Variants in PPM1H observed in about 807,000 individuals in gnomAD.
PPM1H encodes protein phosphatase, Mg2+/Mn2+ dependent 1H, also known as protein phosphatase 1H.
Under a neutral mutation model 54.9 loss-of-function variants are expected in PPM1H, and 27 were observed. The observed-to-expected ratio is 0.49, with a 90% CI of 0.36 to 0.68. The LOEUF is 0.68. PPM1H is among the 30% of genes least tolerant of loss of function. The probability of loss-of-function intolerance (pLI) is 0.00; values close to 1 mark genes in which losing one functional copy is unlikely to be tolerated. For synonymous variants in PPM1H, 305 were observed against 270.8 expected (o/e 1.13, Z -1.24); for missense variants, 596 against 667.8 (o/e 0.89, Z 1.19).
chr12:62,808,125 T>C (rs2076815998), intron 2 of PPM1H, among the ~76,000 whole-genome samples: 1 of 152,196 alleles, frequency 6.6e-6, no homozygotes. Context: ...AGCCACCGTG[T>C]CTGGCCACCC....
At chr12:62,803,692 A>T (rs188720461) in intron 2 of PPM1H, among the ~76,000 whole-genome samples, 1 of 152,200 alleles carries the variant, frequency 6.6e-6, no homozygotes, top group African/African-American at 2.4e-5. Context: ...GCAAAAACAA[A>T]CAAGTGGGAC....
At chr12:62,713,234 C>A (rs946584547) in intron 6 of PPM1H, among the ~76,000 whole-genome samples, 2 of 152,152 alleles carry the variant, frequency 1.3e-5, no homozygotes, top group African/African-American at 4.8e-5. Context: ...ATAAAGGTCA[C>A]CCCAAACACA....
intron 2 of PPM1H, among the ~76,000 whole-genome samples, chr12:62,831,745 G>GTA (rs749808396): frequency 3.0e-4 from 45 of 147,902 alleles, no homozygotes; most frequent in Non-Finnish European, 5.5e-4. Flanking sequence ...GTGTGTATAC[G>GTA]TATATATATT....
intron 8 of PPM1H, among the ~76,000 whole-genome samples, chr12:62,687,441 T>C (rs1443291371): frequency 1.3e-5 from 2 of 152,080 alleles, no homozygotes; most frequent in Non-Finnish European, 2.9e-5. Flanking sequence ...ATTTTTTACT[T>C]TTTGTAAGAA....
chr12:62,668,573 ACCAGCTGGGTC>A (rs965864246), intron 8 of PPM1H, among the ~76,000 whole-genome samples: 1 of 152,096 alleles, frequency 6.6e-6, no homozygotes, highest in African/African-American at 2.4e-5. Context: ...ATGGGGTTTT[ACCAGCTGGGTC>A]CCAGCTGGTC....
At chr12:62,759,771 G>C (rs1283738734) in intron 4 of PPM1H, among the ~76,000 whole-genome samples, 2 of 150,012 alleles carry the variant, frequency 1.3e-5, no homozygotes, top group Non-Finnish European at 1.5e-5. Context: ...CACTTTCCTG[G>C]GGGGTAAGCA....
chr12:62,709,776 A>G (rs2076196195), intron 6 of PPM1H, among the ~76,000 whole-genome samples: 1 of 152,226 alleles, frequency 6.6e-6, no homozygotes, highest in Admixed American at 6.5e-5. Flanking sequence ...ATTGTTCAAT[A>G]AATTTCCAGA....
chr12:62,723,380 G>T lies in PPM1H; in HGVS notation c.955-3091C>A, dbSNP rs142059165. On this transcript the variant is annotated intron_variant, in intron 5 of 9. Coordinates refer to ENST00000228705, the MANE Select transcript of PPM1H (RefSeq NM_020700.2). ...CTGATTAAAAAAAAAAAGTAAGTTG[G>T]GAACCATCTGTTTACAAATGAACAT... Among the ~76,000 whole-genome samples, 28 of 152,148 alleles carry T rather than the reference G, an allele frequency of 1.8e-4. No homozygotes were observed. In the East Asian group the frequency reaches 5.2e-3, roughly 28 times the overall value.
chr12:62,914,627 G>C (rs957435665), intron 1 of PPM1H, among the ~76,000 whole-genome samples: 1 of 152,194 alleles, frequency 6.6e-6, no homozygotes, highest in Non-Finnish European at 1.5e-5. Context: ...GCTGTGTGGA[G>C]TGTTAACATT....
intron 9 of PPM1H, chr12:62,659,284 A>C: frequency 2.0e-6 from 1 of 503,882 alleles, no homozygotes; most frequent in South Asian, 2.2e-5. Context: ...AAAAAAAAAA[A>C]AAAAAAAGAG....
intron 6 of PPM1H, among the ~76,000 whole-genome samples, chr12:62,702,525 A>T (rs1315980517): frequency 6.8e-6 from 1 of 146,858 alleles, no homozygotes; most frequent in Non-Finnish European, 1.5e-5. Context: ...CTTCTCTTCT[A>T]AGTCATGACC....
At chr12:62,706,357 CT>C (rs1215571931) in intron 6 of PPM1H, among the ~76,000 whole-genome samples, 1 of 152,202 alleles carries the variant, frequency 6.6e-6, no homozygotes, top group Non-Finnish European at 1.5e-5. Flanking sequence ...TGAGTAACAG[CT>C]GTCGATATTT....
At chr12:62,740,896 C>T (rs1229480281) in intron 4 of PPM1H, among the ~76,000 whole-genome samples, 1 of 152,194 alleles carries the variant, frequency 6.6e-6, no homozygotes, top group Non-Finnish European at 1.5e-5. Flanking sequence ...AGTGTATACT[C>T]TTAATATCTG....
At chr12:62,765,443 T>G (rs1428987321) in intron 4 of PPM1H, among the ~76,000 whole-genome samples, 1 of 152,172 alleles carries the variant, frequency 6.6e-6, no homozygotes, top group Non-Finnish European at 1.5e-5. Flanking sequence ...CTACTTGTCT[T>G]TAAAGAATGT....
rs1396982700 is a variant in PPM1H at position 62,844,989 on chromosome 12, A to T, written c.246-12710T>A. Among the ~76,000 whole-genome samples, 1 of 152,256 alleles carries T rather than the reference A, an allele frequency of 6.6e-6. No individual in the cohort carries two copies. Among genetic ancestry groups the T allele is most frequent in the East Asian group, 1.9e-4 (1 of 5,204 alleles). On this transcript the variant is annotated intron_variant, in intron 1 of 9. Transcript: ENST00000228705. This position sits in a 1 kb window ranked among gnomAD's most constrained non-coding sequence, Gnocchi z 5.2. ...ACATTCTCCAGCAAAGAAGTAGCTG[A>T]TAGATGTCAGAGCCTAGGGTACCTC... is the stretch of plus-strand genomic sequence containing the variant.
At chr12:62,715,018 G>A (rs1293740369) in intron 6 of PPM1H, among the ~76,000 whole-genome samples, 1 of 152,196 alleles carries the variant, frequency 6.6e-6, no homozygotes, top group Non-Finnish European at 1.5e-5. Context: ...GGCTGGACAT[G>A]GCACGAAGTA....
intron 1 of PPM1H, among the ~76,000 whole-genome samples, chr12:62,902,515 G>C (rs974842221): frequency 6.6e-6 from 1 of 152,182 alleles, no homozygotes; most frequent in African/African-American, 2.4e-5. Context: ...CTGGATCCCA[G>C]GACTCAGCCT....
intron 9 of PPM1H, among the ~76,000 whole-genome samples, chr12:62,660,854 G>T (rs963913558): frequency 1.4e-4 from 22 of 152,168 alleles, no homozygotes; most frequent in African/African-American, 5.3e-4. Flanking sequence ...TCCCAATATT[G>T]TGTAATTACT....
At chr12:62,913,650 G>A (rs552708227) in intron 1 of PPM1H, among the ~76,000 whole-genome samples, 3 of 152,168 alleles carry the variant, frequency 2.0e-5, no homozygotes, top group East Asian at 1.9e-4. Flanking sequence ...TTGTGTACTT[G>A]GCACCCAGAC....
Sources: gnomAD v4.1 joint callset for allele counts (sites outside exome capture counted in the v4.1 genomes callset) on GRCh38, gnomAD v4.1.1 for gene constraint, Gnocchi (gnomAD v3.1) non-coding constraint, MANE v1.5 for transcripts, NCBI Gene and HGNC (gene_info 2026-07-23, HGNC 2026-07-21) for gene names.